Variants in ERC2 observed in about 807,000 individuals in gnomAD.
The protein encoded by ERC2 is ELKS/RAB6-interacting/CAST family member 2, also known as ERC protein 2.
In ERC2, 42 loss-of-function variants were observed where a neutral mutation model predicts 114.8. The observed-to-expected ratio is 0.37, with a 90% CI of 0.29 to 0.47. The LOEUF (loss-of-function observed/expected upper bound fraction) is 0.47. ERC2 is among the 20% of genes least tolerant of loss of function. The pLI, the probability that ERC2 is intolerant of heterozygous loss-of-function variation, is 0.99. For synonymous variants in ERC2, 454 were observed against 425.5 expected (o/e 1.07, Z -0.82); for missense variants, 939 against 1,150.7 (o/e 0.82, Z 2.66).
At chr3:55,879,714 T>C (rs2063032274) in intron 14 of ERC2, among the ~76,000 whole-genome samples, 1 of 152,248 alleles carries the variant, frequency 6.6e-6, no homozygotes, top group Non-Finnish European at 1.5e-5. Flanking sequence ...CCTATTTTTC[T>C]TCACACTTTA....
rs563601997 is a variant in ERC2, at chr3:55,950,468, C to T, written c.2360G>A (p.Arg787His). Residue 787 changes from arginine (R) to histidine (H), a missense_variant, in exon 13 of 18, where the codon CGC (arginine) becomes CAC (histidine). Coordinates refer to ENST00000288221, the MANE Select transcript of ERC2 (RefSeq NM_015576.3). ...KKNAQLLEEV[R>H]RREDSMADNS... ...GTCAGCCATGCTGTCTTCTCGCCTG[C>T]GCACTTCTTCTAGTAACTGAGCATT... The T allele has an allele frequency of 2.1e-5, 34 of 1,614,024 alleles. No individual in the cohort carries two copies. In the East Asian group the frequency reaches 4.2e-4, roughly 20 times the overall value.
intron 3 of ERC2, among the ~76,000 whole-genome samples, chr3:56,276,465 A>AAAAAAAAAAAAAAAC: frequency 6.6e-6 from 1 of 151,068 alleles, no homozygotes; most frequent in Non-Finnish European, 1.5e-5. Flanking sequence ...CAGCTAAAAA[A>AAAAAAAAAAAAAAAC]AAAAAAAAAA....
chr3:56,131,674 C>A (rs2080206596), intron 6 of ERC2, among the ~76,000 whole-genome samples: 1 of 151,822 alleles, frequency 6.6e-6, no homozygotes, highest in African/African-American at 2.4e-5. Flanking sequence ...AAACTGGTTA[C>A]TAAAGGATAG....
At chr3:55,919,209 T>C (rs2065274825) in intron 13 of ERC2, among the ~76,000 whole-genome samples, 1 of 152,050 alleles carries the variant, frequency 6.6e-6, no homozygotes, top group African/African-American at 2.4e-5. Flanking sequence ...CAAGACCTTA[T>C]CTCTACAAAA....
At chr3:55,609,036 G>T (rs867062566) in intron 17 of ERC2, among the ~76,000 whole-genome samples, 3 of 152,136 alleles carry the variant, frequency 2.0e-5, no homozygotes, top group African/African-American at 7.2e-5. Flanking sequence ...TAACCACTCT[G>T]ATGGAACGAT....
chr3:56,464,614 G>A (rs9813816), intron 1 of ERC2, among the ~76,000 whole-genome samples: 150,768 of 152,342 alleles, frequency 0.99, 74,620 homozygotes, highest in Middle Eastern at 1. Flanking sequence ...CTTCACATAA[G>A]AAGAAGAGGT....
intron 7 of ERC2, among the ~76,000 whole-genome samples, chr3:56,072,936 C>T (rs1261520196): frequency 1.3e-5 from 2 of 152,140 alleles, no homozygotes; most frequent in African/African-American, 2.4e-5. Context: ...ATAGTCAGAT[C>T]AGTTTTAATA....
At chr3:56,249,836 C>T (rs1053347036) in intron 3 of ERC2, among the ~76,000 whole-genome samples, 2 of 146,104 alleles carry the variant, frequency 1.4e-5, no homozygotes, top group African/African-American at 2.5e-5. Context: ...ACCACACTCA[C>T]AAAATCTGCA....
intron 14 of ERC2, among the ~76,000 whole-genome samples, chr3:55,772,365 A>G (rs1472833456): frequency 6.6e-6 from 1 of 151,064 alleles, no homozygotes; most frequent in Non-Finnish European, 1.5e-5. Flanking sequence ...CCCAGGCTGG[A>G]GTGCAGTGGC....
intron 3 of ERC2, among the ~76,000 whole-genome samples, chr3:56,295,370 CAGAT>C (rs1576314185): frequency 6.6e-6 from 1 of 152,174 alleles, no homozygotes; most frequent in East Asian, 1.9e-4. Flanking sequence ...CACATATTCT[CAGAT>C]ACACGAGCAT....
intron 14 of ERC2, among the ~76,000 whole-genome samples, chr3:55,824,193 G>A (rs1384617557): frequency 6.6e-6 from 1 of 152,156 alleles, no homozygotes; most frequent in East Asian, 1.9e-4. Context: ...GAGAGACCAG[G>A]ATTTGGGCCT....
intron 6 of ERC2, among the ~76,000 whole-genome samples, chr3:56,095,123 T>C (rs1183854719): frequency 2.6e-5 from 4 of 152,100 alleles, no homozygotes; most frequent in African/African-American, 4.8e-5. Flanking sequence ...GGCATGGTGG[T>C]GCAGCCCTAT....
intron 14 of ERC2, among the ~76,000 whole-genome samples, chr3:55,830,761 T>C (rs1470549381): frequency 1.3e-5 from 2 of 152,006 alleles, no homozygotes; most frequent in Non-Finnish European, 2.9e-5. Flanking sequence ...TTGGGCAACA[T>C]AGCAAGACCC....
intron 17 of ERC2, 58 bp downstream of exon 17, chr3:55,683,736 C>T (rs974481261): frequency 7.2e-7 from 1 of 1,386,960 alleles, no homozygotes; most frequent in Non-Finnish European, 1.0e-6. Flanking sequence ...AGCACGCACA[C>T]AATACAACAC....
intron 7 of ERC2, 46 bp from the exon 8 acceptor site, chr3:56,019,077 C>G (rs755892559): frequency 1.4e-6 from 2 of 1,464,866 alleles, no homozygotes; most frequent in South Asian, 1.3e-5. Context: ...ATTACATATC[C>G]TAGGCCAAAA....
rs184562923 is a variant in ERC2, at chr3:55,950,986, C to A, written c.2268-426G>T. Among the ~76,000 whole-genome samples, 382 of 152,294 alleles carry A rather than the reference C, an allele frequency of 2.5e-3. 2 individuals carry two copies. Among genetic ancestry groups the A allele is most frequent in the African/African-American group, 8.8e-3 (364 of 41,558 alleles). On this transcript the variant is annotated intron_variant, in intron 12 of 17. Coordinates refer to ENST00000288221, the MANE Select transcript of ERC2 (RefSeq NM_015576.3). Reference sequence around the variant, plus strand: ...GGAAAGCCTCCCTAGCAAAGTGAGACTGTGGGTGAGACTACAAGGAGCTAA... The same window carrying A: ...GGAAAGCCTCCCTAGCAAAGTGAGAATGTGGGTGAGACTACAAGGAGCTAA...
chr3:55,705,857 C>CTTTTA (rs145166882), intron 15 of ERC2, among the ~76,000 whole-genome samples: 5,423 of 152,070 alleles, frequency 0.036, 324 homozygotes, highest in African/African-American at 0.12. Context: ...TCATTAAGCA[C>CTTTTA]TTTTATTTTA....
At chr3:55,911,227 G>C (rs1440507636) in intron 13 of ERC2, among the ~76,000 whole-genome samples, 1 of 152,116 alleles carries the variant, frequency 6.6e-6, no homozygotes, top group Non-Finnish European at 1.5e-5. Flanking sequence ...GGCCCAATGG[G>C]AAATAAACCC....
At chr3:56,408,454 G>A (rs1318980689) in intron 2 of ERC2, among the ~76,000 whole-genome samples, 1 of 151,812 alleles carries the variant, frequency 6.6e-6, no homozygotes, top group Admixed American at 6.6e-5. Context: ...GAGATTCCCT[G>A]GGGACTCCCT....
Sources: gnomAD v4.1 joint callset for allele counts (sites outside exome capture counted in the v4.1 genomes callset) on GRCh38, gnomAD v4.1.1 for gene constraint, MANE v1.5 for transcripts, NCBI Gene and HGNC (gene_info 2026-07-23, HGNC 2026-07-21) for gene names.